The following MAP4 variants were observed in gnomAD, a reference collection of about 807,000 sequenced individuals.
MAP4 encodes the protein microtubule associated protein 4, also known as microtubule-associated protein 4.
A neutral mutation model predicts 170.2 loss-of-function variants in MAP4; 76 were observed. The observed-to-expected ratio is 0.45, with a 90% confidence interval of 0.37 to 0.54. MAP4 has a LOEUF of 0.54. MAP4 is among the 20% of genes least tolerant of loss of function. MAP4 has a pLI of 0.00. For synonymous variants in MAP4, 909 were observed against 994.5 expected (o/e 0.91, Z 1.62); for missense variants, 2,506 against 2,748.0 (o/e 0.91, Z 1.97).
At chr3:47,979,166 G>T (rs1399642254) in intron 2 of MAP4, among the ~76,000 whole-genome samples, 1 of 151,858 alleles carries the variant, frequency 6.6e-6, no homozygotes, top group African/African-American at 2.4e-5. Flanking sequence ...TGTATATGGT[G>T]TAATGATGTG....
At chr3:48,000,522 TG>T (rs1027305247) in intron 1 of MAP4, among the ~76,000 whole-genome samples, 17 of 152,146 alleles carry the variant, frequency 1.1e-4, no homozygotes, top group Non-Finnish European at 1.9e-4. Flanking sequence ...CTATAGGGTT[TG>T]GGACATGACT....
chr3:48,011,631 C>T (rs908311078), intron 1 of MAP4, among the ~76,000 whole-genome samples: 1 of 151,896 alleles, frequency 6.6e-6, no homozygotes, highest in Non-Finnish European at 1.5e-5. Context: ...GGGTGGGAAG[C>T]CCTATTCTAT....
chr3:47,885,766 T>C (rs1180025328), intron 10 of MAP4, among the ~76,000 whole-genome samples: 1 of 151,384 alleles, frequency 6.6e-6, no homozygotes, highest in African/African-American at 2.4e-5. Flanking sequence ...TCTCGCTCTG[T>C]CACCCAGGCT....
At chr3:48,036,122 A>G (rs1305931262) in intron 1 of MAP4, among the ~76,000 whole-genome samples, 2 of 152,230 alleles carry the variant, frequency 1.3e-5, no homozygotes, top group Non-Finnish European at 2.9e-5. Context: ...TCAGCTAGTA[A>G]AGTGGCACAA....
chr3:47,982,752 C>T (rs2100086113), intron 2 of MAP4, among the ~76,000 whole-genome samples: 2 of 151,928 alleles, frequency 1.3e-5, no homozygotes, highest in South Asian at 2.1e-4. Context: ...AAAATTCATA[C>T]GATTTGATTC....
chr3:47,918,651 C>A, intron 6 of MAP4, 68 bp downstream of exon 6: 2 of 1,261,722 alleles, frequency 1.6e-6, no homozygotes, highest in Non-Finnish European at 2.3e-6. Context: ...AAAAAATACA[C>A]CTGATGATTT....
intron 3 of MAP4, among the ~76,000 whole-genome samples, chr3:47,955,377 T>G (rs1263260605): frequency 2.0e-5 from 3 of 151,248 alleles, no homozygotes; most frequent in African/African-American, 7.3e-5. Flanking sequence ...CCTACCATAA[T>G]GTAGCCCACA....
chr3:48,046,120 C>T lies in MAP4; in HGVS notation c.-20+42653G>A, dbSNP rs921693026. 2.6e-5 allele frequency among the ~76,000 whole-genome samples: 4 copies of T among 151,494 alleles called. No individual in the cohort carries two copies. In the East Asian group the frequency reaches 7.8e-4, roughly 29 times the overall value. On this transcript the variant is annotated intron_variant, in intron 1 of 18. Transcript: ENST00000360240. ...GCATTCCCTCAGTGATCTATTTCTT[C>T]TATAACTCCATTTGAGTTCAATTTG...
intron 10 of MAP4, among the ~76,000 whole-genome samples, chr3:47,901,090 A>G (rs1164436600): frequency 6.6e-6 from 1 of 152,026 alleles, no homozygotes; most frequent in East Asian, 1.9e-4. Flanking sequence ...CTTTACCTTA[A>G]TTTGCTCAGC....
At chr3:48,007,979 G>A (rs1290039769) in intron 1 of MAP4, among the ~76,000 whole-genome samples, 1 of 152,046 alleles carries the variant, frequency 6.6e-6, no homozygotes, top group Non-Finnish European at 1.5e-5. Flanking sequence ...TCAGCTCTTG[G>A]CCTGTTACTG....
chr3:47,923,260 C>T (rs1019498263), intron 4 of MAP4, among the ~76,000 whole-genome samples: 1 of 151,714 alleles, frequency 6.6e-6, no homozygotes, highest in Non-Finnish European at 1.5e-5. Flanking sequence ...CAGAGACAGC[C>T]GCATAAAAGC....
At chr3:47,861,687 CAACAAG>C (rs1325616788) in intron 17 of MAP4, among the ~76,000 whole-genome samples, 56 of 151,926 alleles carry the variant, frequency 3.7e-4, no homozygotes, top group African/African-American at 1.3e-3. Flanking sequence ...ACAACAACAA[CAACAAG>C]AACAAGAACC....
rs745990474 is a variant in MAP4, at chr3:47,853,178, G to C, written c.6871C>G (p.Gln2291Glu). ...DQREAQTLDS[Q>E]IQETN ...AGCCACTTACTTGTCTCCTGGATCT[G>C]GCTGTCCAAGGTCTGGGCCTCCCTT... Residue 2291 changes from glutamine (Q) to glutamate (E), a missense_variant, in exon 20 of 21, where the codon CAG becomes GAG. By Grantham distance (29) the Gln-to-Glu change is conservative (BLOSUM62 2). Around this residue, in one of 3 missense-constraint regions of MAP4, gnomAD observed 487 missense variants for 511.6 expected, o/e 0.95. Coordinates refer to ENST00000683076, the MANE Select transcript of MAP4 (RefSeq NM_001385682.1). 8.7e-5 allele frequency: 139 copies of C among 1,589,532 alleles called. 1 individual carries two copies. Among genetic ancestry groups the C allele is most frequent in the Non-Finnish European group, 3.9e-5 (46 of 1,167,018 alleles).
chr3:47,909,557 T>A lies in MAP4; in HGVS notation c.4864A>T (p.Ile1622Phe), dbSNP rs1414871823. The change falls in exon 9 of 21, where the codon ATT becomes TTT. Residue 1622 changes from isoleucine (I) to phenylalanine (F), a missense_variant. Transcript: ENST00000683076. ...ETKEGSVAVQ[I>F]PDLLEDKAQK... is the part of the protein sequence containing the mutation. ...GCTTTGTCTTCCAGTAAGTCAGGAATCTGAACTGCAACAGACCCTTCTTTA... is the reference window on the plus strand; with the variant it reads ...GCTTTGTCTTCCAGTAAGTCAGGAAACTGAACTGCAACAGACCCTTCTTTA... 2 of 1,612,564 alleles carry A rather than the reference T, an allele frequency of 1.2e-6. No individual in the cohort carries two copies.
At chr3:47,934,580 G>C (rs190288010) in intron 3 of MAP4, among the ~76,000 whole-genome samples, 28 of 152,312 alleles carry the variant, frequency 1.8e-4, no homozygotes, top group South Asian at 4.1e-4. Flanking sequence ...GGGATTACAG[G>C]CCACCGTGCC....
chr3:47,923,909 TCTATATGGTTTGGGATAGCTCG>T (rs1426826033), intron 4 of MAP4, among the ~76,000 whole-genome samples: 20 of 152,168 alleles, frequency 1.3e-4, no homozygotes, highest in African/African-American at 4.8e-4. Context: ...TCTTCCCAGT[TCTATATGGTTTGGGATAGCTCG>T]CTGCTTGCTC....
chr3:47,886,100 T>C (rs2097550296), intron 10 of MAP4, among the ~76,000 whole-genome samples: 1 of 152,224 alleles, frequency 6.6e-6, no homozygotes, highest in South Asian at 2.1e-4. Context: ...CCCAGACCAC[T>C]ATAAATATTT....
intron 1 of MAP4, among the ~76,000 whole-genome samples, chr3:48,079,867 G>A (rs546560877): frequency 6.0e-5 from 9 of 151,174 alleles, no homozygotes; most frequent in Admixed American, 2.6e-4. Flanking sequence ...GGAGCATGGC[G>A]TGAACCCGGG....
intron 1 of MAP4, among the ~76,000 whole-genome samples, chr3:48,034,414 A>G (rs1044712420): frequency 3.9e-5 from 6 of 152,162 alleles, no homozygotes; most frequent in Non-Finnish European, 7.3e-5. Context: ...TAAAAAAATC[A>G]CTTAGGGGCC....
Sources: gnomAD v4.1 joint callset for allele counts (sites outside exome capture counted in the v4.1 genomes callset) on GRCh38, gnomAD v4.1.1 for gene constraint, gnomAD v4.1.1 regional missense constraint, MANE v1.5 for transcripts, NCBI Gene and HGNC (gene_info 2026-07-23, HGNC 2026-07-21) for gene names.